The following NEO1 variants were observed in gnomAD, a reference collection of about 807,000 sequenced individuals.
NEO1 encodes the protein neogenin 1, also known as neogenin.
NEO1 carries 63 observed loss-of-function variants against 159.7 expected under a neutral mutation model. That is an observed-to-expected ratio of 0.39 (90% CI 0.32 to 0.49). NEO1 has a LOEUF of 0.49. Ranked by LOEUF, NEO1 falls within the 20% of genes least tolerant of loss-of-function variation. NEO1 has a pLI of 0.85. For missense variants in NEO1, 1,615 were observed against 1,831.0 expected (o/e 0.88, Z 2.15); for synonymous variants, 633 against 662.0 (o/e 0.96, Z 0.67).
intron 4 of NEO1, among the ~76,000 whole-genome samples, chr15:73,129,557 A>T (rs2030808903): frequency 6.6e-6 from 1 of 152,242 alleles, no homozygotes; most frequent in African/African-American, 2.4e-5. Context: ...GATTTACAAT[A>T]ATCATCGCTA....
At chr15:73,063,947 T>C (rs140638244) in intron 1 of NEO1, among the ~76,000 whole-genome samples, 5 of 152,356 alleles carry the variant, frequency 3.3e-5, no homozygotes, top group African/African-American at 7.2e-5. Flanking sequence ...GCATCTTTTA[T>C]GAATCAGCGA....
intron 7 of NEO1, among the ~76,000 whole-genome samples, chr15:73,218,670 G>A (rs775630671): frequency 1.5e-3 from 227 of 151,776 alleles, no homozygotes; most frequent in Non-Finnish European, 2.9e-3. Flanking sequence ...TGTATGTGTC[G>A]AGGAATTTAT....
chr15:73,248,666 T>G (rs920675313), intron 9 of NEO1, among the ~76,000 whole-genome samples: 1 of 152,210 alleles, frequency 6.6e-6, no homozygotes, highest in African/African-American at 2.4e-5. Context: ...ACATTTTTTG[T>G]AACTGTTTAT....
In NEO1 at chr15:73,253,539, A is replaced by G. The variant is rs1246882704; in HGVS notation, c.1944+90A>G. The G allele has an allele frequency of 2.2e-5, 18 of 821,088 alleles. No homozygotes were observed. In the East Asian group the frequency reaches 4.4e-4, roughly 20 times the overall value. 50.9% of individuals were successfully genotyped at this position (821,088 alleles called of 1,614,324 possible). On this transcript the variant is annotated intron_variant, in intron 12 of 28. Transcript: ENST00000261908. Reference sequence around the variant, plus strand: ...AGAAAGGGAGATTCTGTAGGAAAGCATCAAAATAAATGAATGGCGATGTGG... The same window carrying G: ...AGAAAGGGAGATTCTGTAGGAAAGCGTCAAAATAAATGAATGGCGATGTGG...
At position 73,174,721 on chromosome 15, in the gene NEO1, C is replaced by A. The variant is rs539170209; in HGVS notation, c.1016-1682C>A. Reference sequence around the variant, plus strand: ...CCTTGAAATAATAACTCTCATTATACCAAAAGCTCTTATATATAGATAAGA... The same window carrying A: ...CCTTGAAATAATAACTCTCATTATAACAAAAGCTCTTATATATAGATAAGA... On this transcript the variant is annotated intron_variant, in intron 5 of 28. Coordinates refer to ENST00000261908, the MANE Select transcript of NEO1 (RefSeq NM_002499.4). Among the ~76,000 whole-genome samples, 7 of 152,186 alleles carry A rather than the reference C, an allele frequency of 4.6e-5. No homozygotes were observed. The South Asian group carries it at 1.5e-3, about 32-fold the overall frequency.
intron 5 of NEO1, among the ~76,000 whole-genome samples, chr15:73,159,889 A>G (rs891282664): frequency 3.3e-5 from 5 of 152,272 alleles, no homozygotes; most frequent in Middle Eastern, 3.4e-3. Context: ...ATCATCACCA[A>G]TATATATAAG....
intron 19 of NEO1, among the ~76,000 whole-genome samples, chr15:73,273,377 T>G (rs976822714): frequency 2.0e-5 from 3 of 152,256 alleles, no homozygotes; most frequent in African/African-American, 7.2e-5. Flanking sequence ...GGTCTTTATG[T>G]CATTTTTTTA....
chr15:73,093,602 C>T (rs1204155634), intron 1 of NEO1, among the ~76,000 whole-genome samples: 2 of 149,196 alleles, frequency 1.3e-5, no homozygotes, highest in African/African-American at 5.0e-5. Context: ...GATACAAGGT[C>T]GTGCTCTGTC....
chr15:73,059,871 A>G (rs2151237147), intron 1 of NEO1, among the ~76,000 whole-genome samples: 1 of 152,158 alleles, frequency 6.6e-6, no homozygotes, highest in Non-Finnish European at 1.5e-5. Context: ...GGGTACAGCT[A>G]CTCCCATGTT....
Position 73,270,363 on chromosome 15 carries a change from G to A in NEO1, c.2766G>A (p.Pro922=), listed in dbSNP as rs199736926. ...TLSYLVTGLK[P]NTLYEFSVMV... is the part of the protein sequence containing the mutation. ...GTTATTTGGTGACTGGTTTAAAGCC[G>A]AATACACTCTATGAATTCTCTGTGA... The change falls in exon 18 of 29, where the codon CCG becomes CCA. Residue 922 remains proline (P), a synonymous_variant. Coordinates refer to ENST00000261908, the MANE Select transcript of NEO1 (RefSeq NM_002499.4). 2.7e-5 allele frequency: 44 copies of A among 1,614,062 alleles called. No homozygotes were observed. Among genetic ancestry groups the A allele is most frequent in the South Asian group, 1.4e-4 (13 of 91,068 alleles).
intron 7 of NEO1, among the ~76,000 whole-genome samples, chr15:73,221,087 T>C (rs1033051624): frequency 2.6e-5 from 4 of 152,194 alleles, no homozygotes; most frequent in East Asian, 1.9e-4. Flanking sequence ...ATGATGGTGA[T>C]GTACAGATGG....
intron 5 of NEO1, among the ~76,000 whole-genome samples, chr15:73,138,326 C>A (rs2031987133): frequency 6.6e-6 from 1 of 152,034 alleles, no homozygotes; most frequent in Non-Finnish European, 1.5e-5. Context: ...TTATATGCAT[C>A]CAAAATGTGA....
At chr15:73,248,123 A>AT (rs1448437470) in intron 9 of NEO1, among the ~76,000 whole-genome samples, 1 of 152,236 alleles carries the variant, frequency 6.6e-6, no homozygotes, top group Non-Finnish European at 1.5e-5. Context: ...TGCAAAGATT[A>AT]TATGAGAAAA....
At chr15:73,295,108 G>A (rs1001986286) in intron 26 of NEO1, among the ~76,000 whole-genome samples, 4 of 105,616 alleles carry the variant, frequency 3.8e-5, no homozygotes, top group African/African-American at 6.1e-5. Context: ...GCAAGATCCC[G>A]TCTCTACTAA....
chr15:73,090,896 A>G (rs2069652162), intron 1 of NEO1, among the ~76,000 whole-genome samples: 1 of 152,222 alleles, frequency 6.6e-6, no homozygotes. Flanking sequence ...TATATGTGCT[A>G]AGTACTGTGT....
At chr15:73,136,496 G>A (rs80169782) in intron 5 of NEO1, among the ~76,000 whole-genome samples, 2,454 of 152,136 alleles carry the variant, frequency 0.016, 84 homozygotes, top group African/African-American at 0.056. Context: ...CTGTGACCCC[G>A]AATTATTTCT....
rs139318789 is a variant in NEO1 at position 73,142,091 on chromosome 15, C to CTT, written c.1015+6073_1015+6074dup. The stretch of plus-strand genomic sequence containing the variant: ...AATGGGTTGTTTTAAGGATTAAACT[C>CTT]TTTTTTTTTTAGAAGAGCCAGCATA... On this transcript the variant is annotated intron_variant, in intron 5 of 28. Transcript: ENST00000261908. Among the ~76,000 whole-genome samples, 1,268 of 147,320 alleles carry CTT rather than the reference C, an allele frequency of 8.6e-3. 19 individuals are homozygous for CTT. Among genetic ancestry groups the CTT allele is most frequent in the African/African-American group, 0.03 (1,195 of 40,274 alleles).
At chr15:73,156,709 A>G (rs553061753) in intron 5 of NEO1, among the ~76,000 whole-genome samples, 2 of 152,328 alleles carry the variant, frequency 1.3e-5, no homozygotes, top group African/African-American at 4.8e-5. Context: ...TCTGAGGACA[A>G]GTGCTTGCAC....
At chr15:73,252,174 G>C (rs887712091) in intron 11 of NEO1, among the ~76,000 whole-genome samples, 1 of 152,208 alleles carries the variant, frequency 6.6e-6, no homozygotes, top group African/African-American at 2.4e-5. Context: ...AGAAGCTATA[G>C]CACAGTGGGC....
Sources: gnomAD v4.1 joint callset for allele counts (sites outside exome capture counted in the v4.1 genomes callset) on GRCh38, gnomAD v4.1.1 for gene constraint, MANE v1.5 for transcripts, NCBI Gene and HGNC (gene_info 2026-07-23, HGNC 2026-07-21) for gene names.